Variants in LIMS2 observed in about 807,000 individuals in gnomAD.
The protein encoded by LIMS2 is LIM and senescent cell antigen-like-containing domain protein 2.
Under a neutral mutation model 45.3 loss-of-function variants are expected in LIMS2, and 30 were observed. The observed-to-expected ratio is 0.66, with a 90% CI of 0.50 to 0.90. The LOEUF (loss-of-function observed/expected upper bound fraction) is 0.90. Among genes scored for constraint, LIMS2 ranks in the 40% least tolerant of loss-of-function variants. The pLI, the probability that LIMS2 is intolerant of heterozygous loss-of-function variation, is 0.00. For missense variants in LIMS2, 485 were observed against 468.7 expected (o/e 1.03, Z -0.32); for synonymous variants, 173 against 188.0 (o/e 0.92, Z 0.65).
intron 4 of LIMS2, chr2:127,648,108 G>C (rs1683202009): frequency 1.0e-6 from 1 of 985,442 alleles, no homozygotes; most frequent in African/African-American, 1.7e-5. Context: ...TGCCAGCCGA[G>C]ACCAGCCAGA....
At chr2:127,669,586 C>T (rs1035313143) in intron 1 of LIMS2, among the ~76,000 whole-genome samples, 2 of 151,970 alleles carry the variant, frequency 1.3e-5, no homozygotes, top group South Asian at 2.1e-4. Flanking sequence ...GGCATGGTGG[C>T]ACACGCCTGT....
rs778400238 is a variant in LIMS2, at chr2:127,654,974, G to T, written c.172-78C>A. ...GCAGCCCAGGCCCTTGTTGGGTCAGGACCTGACAGCAGGGGATGAGGCACT... is the reference window on the plus strand; with the variant it reads ...GCAGCCCAGGCCCTTGTTGGGTCAGTACCTGACAGCAGGGGATGAGGCACT... On this transcript the variant is annotated intron_variant, in intron 2 of 9. Transcript: ENST00000355119. 5.9e-6 allele frequency: 8 copies of T among 1,358,798 alleles called. No individual in the cohort carries two copies. In the South Asian group the frequency reaches 9.7e-5, roughly 17 times the overall value. 84.2% of individuals were successfully genotyped at this position (1,358,798 alleles called of 1,614,324 possible).
chr2:127,651,846 G>A, intron 4 of LIMS2: 2 of 1,209,338 alleles, frequency 1.7e-6, no homozygotes, highest in South Asian at 2.9e-5. Flanking sequence ...CACCTCCCCA[G>A]CAAGCAACCT....
intron 4 of LIMS2, among the ~76,000 whole-genome samples, chr2:127,649,740 C>T (rs759807572): frequency 1.2e-4 from 18 of 152,224 alleles, no homozygotes; most frequent in Admixed American, 2.0e-4. Flanking sequence ...GTTCACCAGA[C>T]GGACATGACT....
intron 4 of LIMS2, chr2:127,649,980 TCTC>T: frequency 1.9e-6 from 3 of 1,587,988 alleles, no homozygotes; most frequent in Non-Finnish European, 2.6e-6. Context: ...GGCACAGGCT[TCTC>T]CTAAACACAG....
At chr2:127,649,874 T>G (rs1415752338) in intron 4 of LIMS2, 1 of 709,836 alleles carries the variant, frequency 1.4e-6, no homozygotes, top group East Asian at 2.7e-5. Flanking sequence ...TCTCTGACGC[T>G]GGGTAAAATG....
chr2:127,640,065 C>T lies in LIMS2; in HGVS notation c.878+5G>A. The T allele has an allele frequency of 6.2e-7, 1 of 1,613,356 alleles. No individual in the cohort carries two copies. The highest frequency in any genetic ancestry group is 8.5e-7 in the Non-Finnish European group (1 of 1,179,930). The stretch of plus-strand genomic sequence containing the variant: ...GAGCCCCATCCCACGATCACAGGGA[C>T]TCACTTCAGGGTGAGCTTGCTGTTG... On this transcript the variant is annotated splice_donor_5th_base_variant and intron_variant, in intron 9 of 9. Coordinates refer to ENST00000355119, the MANE Select transcript of LIMS2 (RefSeq NM_001161403.3).
intron 3 of LIMS2, 66 bp downstream of exon 3, chr2:127,654,764 C>G: frequency 6.4e-7 from 1 of 1,563,832 alleles, no homozygotes; most frequent in Non-Finnish European, 8.8e-7. Context: ...CCCCTCGGCC[C>G]CCTGCCCCCC....
intron 1 of LIMS2, among the ~76,000 whole-genome samples, chr2:127,660,632 G>A (rs911759271): frequency 6.6e-6 from 1 of 152,134 alleles, no homozygotes; most frequent in Non-Finnish European, 1.5e-5. Context: ...ACGTCTGAAG[G>A]ATCAAACTCC....
chr2:127,679,311 G>A (rs1416886869), upstream of LIMS2, among the ~76,000 whole-genome samples: 1 of 152,144 alleles, frequency 6.6e-6, no homozygotes, highest in East Asian at 1.9e-4. The surrounding 1 kb of genome is among the most constrained non-coding windows in gnomAD (Gnocchi z 5.3). Context: ...GGGCAGAGAA[G>A]AGACGGCAGT....
Position 127,653,374 on chromosome 2 carries a change from T to C in LIMS2, c.359+1050A>G, listed in dbSNP as rs1294831916. 6.6e-6 allele frequency among the ~76,000 whole-genome samples: 1 copy of C among 152,192 alleles called. No homozygotes were observed. The highest frequency in any genetic ancestry group is 1.5e-5 in the Non-Finnish European group (1 of 68,040). On this transcript the variant is annotated intron_variant, in intron 4 of 9. Transcript: ENST00000355119. This position sits in a 1 kb window ranked among gnomAD's most constrained non-coding sequence, Gnocchi z 5.3. ...TCAGTGGAGGAGAATCCCAAACTGC[T>C]TGTGCCTCATTGCGTTTGGGATGCC...
At chr2:127,674,618 C>T in intron 1 of LIMS2, 1 of 984,988 alleles carries the variant, frequency 1.0e-6, no homozygotes, top group Non-Finnish European at 1.2e-6. Context: ...AGATGACACT[C>T]ACCGGGATCG....
At chr2:127,656,253 C>T (rs935265246) in intron 2 of LIMS2, among the ~76,000 whole-genome samples, 11 of 152,176 alleles carry the variant, frequency 7.2e-5, no homozygotes, top group Non-Finnish European at 1.3e-4. Context: ...GATGATTTAA[C>T]GACTGCTCCT....
chr2:127,640,672 G>A, intron 7 of LIMS2: 2 of 598,728 alleles, frequency 3.3e-6, no homozygotes, highest in Non-Finnish European at 3.0e-6. Flanking sequence ...ATGTGCCCGG[G>A]ACCTCACACC....
At chr2:127,644,496 G>A (rs750436239) in intron 4 of LIMS2, among the ~76,000 whole-genome samples, 13 of 152,200 alleles carry the variant, frequency 8.5e-5, no homozygotes, top group Non-Finnish European at 1.8e-4. Context: ...GTCTGGGGCT[G>A]AGCTGCCCCA....
At chr2:127,651,901 C>T (rs1683839731) in intron 4 of LIMS2, 2 of 750,812 alleles carry the variant, frequency 2.7e-6, no homozygotes, top group Non-Finnish European at 4.4e-6. Context: ...CGCCTAGTCT[C>T]AACCCATAAA....
At chr2:127,662,159 CTG>C (rs1254532812) in intron 1 of LIMS2, among the ~76,000 whole-genome samples, 2 of 152,200 alleles carry the variant, frequency 1.3e-5, no homozygotes, top group Non-Finnish European at 2.9e-5. Context: ...CGCCCCCTGT[CTG>C]TGTGACCTGC....
intron 1 of LIMS2, among the ~76,000 whole-genome samples, chr2:127,668,715 C>G (rs1685153114): frequency 1.4e-5 from 1 of 69,636 alleles, no homozygotes; most frequent in African/African-American, 5.6e-5. Flanking sequence ...AAAAAAACAC[C>G]TTACTTAAAA....
At position 127,664,608 on chromosome 2, in the gene LIMS2, G is replaced by C; in HGVS notation, c.12-7046C>G. 9.0e-7 allele frequency: 1 copy of C among 1,116,894 alleles called. No homozygotes were observed. Among genetic ancestry groups the C allele is most frequent in the Non-Finnish European group, 1.1e-6 (1 of 915,348 alleles). The allele number at this position is 1,116,894 out of a possible 1,614,324, so 69.2% of individuals were successfully genotyped here. A position where few individuals can be genotyped will look rare whatever the true frequency, so the allele number is the denominator to read the frequency against. ...ATAGAAAGGATATTGTTCGCGCCGC[G>C]GGGGCAGCTCCTGAAAGCTGAGGCT... On this transcript the variant is annotated intron_variant, in intron 1 of 9. Coordinates refer to ENST00000355119, the MANE Select transcript of LIMS2 (RefSeq NM_001161403.3). This position sits in a 1 kb window ranked among gnomAD's most constrained non-coding sequence, Gnocchi z 5.5.
Sources: gnomAD v4.1 joint callset for allele counts (sites outside exome capture counted in the v4.1 genomes callset) on GRCh38, gnomAD v4.1.1 for gene constraint, Gnocchi (gnomAD v3.1) non-coding constraint, MANE v1.5 for transcripts, NCBI Gene and HGNC (gene_info 2026-07-23, HGNC 2026-07-21) for gene names.